Variants in CIP2A observed in about 807,000 individuals in gnomAD.
The protein encoded by CIP2A is protein CIP2A.
In CIP2A, 103 loss-of-function variants were observed where a neutral mutation model predicts 110.9. That is an observed-to-expected ratio of 0.93 (90% CI 0.79 to 1.09). The LOEUF is 1.09. Ranked by LOEUF, CIP2A falls within the 50% of genes least tolerant of loss-of-function variation. The probability of loss-of-function intolerance (pLI) is 0.00; values close to 1 mark genes in which losing one functional copy is unlikely to be tolerated. For missense variants in CIP2A, 1,088 were observed against 1,038.4 expected, an observed-to-expected ratio of 1.05 and a Z score of -0.66; for synonymous variants, 381 against 361.6, an observed-to-expected ratio of 1.05 and a Z score of -0.61.
chr3:108,556,827 C>T (rs1383374233), intron 17 of CIP2A, among the ~76,000 whole-genome samples: 1 of 152,086 alleles, frequency 6.6e-6, no homozygotes, highest in Non-Finnish European at 1.5e-5. Context: ...GACCATTCAA[C>T]CTAATACTAA....
intron 4 of CIP2A, 119 bp from the exon 5 acceptor site, chr3:108,581,630 G>GA: frequency 1.0e-5 from 6 of 590,802 alleles, no homozygotes; most frequent in South Asian, 7.0e-5. Flanking sequence ...CCTTTTACAC[G>GA]CAAAAAAAAA....
chr3:108,582,929 T>C (rs772153866), intron 3 of CIP2A, 48 bp downstream of exon 3: 2 of 1,132,368 alleles, frequency 1.8e-6, no homozygotes, highest in Non-Finnish European at 1.3e-6. Context: ...ACTATCAATT[T>C]TGATCTGACA....
At position 108,551,262 on chromosome 3, in the gene CIP2A, A is replaced by T; in HGVS notation, c.2605T>A (p.Ser869Thr). ...TCCTCTTGCTGAAGTTTCACCAAGG[A>T]CTCTTTCTCTTCCAAACGACCTTCT... ...QLEGRLEEKESLVKLQQEELN... is the reference protein window; with the variant it reads ...QLEGRLEEKETLVKLQQEELN... The change falls in exon 21 of 21, where the codon TCC (serine) becomes ACC (threonine). Residue 869 changes from serine to threonine, a missense_variant. Coordinates refer to ENST00000295746, the MANE Select transcript of CIP2A (RefSeq NM_020890.3). 1.2e-6 allele frequency: 2 copies of T among 1,612,158 alleles called. No individual in the cohort carries two copies. Among genetic ancestry groups the T allele is most frequent in the Non-Finnish European group, 8.5e-7 (1 of 1,178,850 alleles).
chr3:108,570,709 TAA>T (rs1320405092), intron 8 of CIP2A, among the ~76,000 whole-genome samples: 29 of 152,156 alleles, frequency 1.9e-4, no homozygotes. Flanking sequence ...CTGGGTGAGT[TAA>T]TGACTGAGTA....
At chr3:108,575,903 C>CTCATATACATGAGT in intron 8 of CIP2A, among the ~76,000 whole-genome samples, 1 of 131,168 alleles carries the variant, frequency 7.6e-6, no homozygotes, top group African/African-American at 3.0e-5. Flanking sequence ...AGTATATATA[C>CTCATATACATGAGT]ATATATACAT....
At chr3:108,558,852 C>T (rs576309855) in intron 16 of CIP2A, among the ~76,000 whole-genome samples, 8 of 152,158 alleles carry the variant, frequency 5.3e-5, no homozygotes, top group East Asian at 1.9e-4. Flanking sequence ...GCAAAGAATG[C>T]GCAGAAATGA....
At chr3:108,554,542 G>C (rs1576297195) in intron 17 of CIP2A, 53 bp from the exon 18 acceptor site, 1 of 735,052 alleles carries the variant, frequency 1.4e-6, no homozygotes, top group African/African-American at 1.8e-5. Context: ...ACATATGAAG[G>C]AGAAAAGAAG....
intron 10 of CIP2A, 117 bp downstream of exon 10, chr3:108,568,038 A>G: frequency 1.4e-6 from 1 of 712,794 alleles, no homozygotes; most frequent in South Asian, 3.6e-5. Context: ...GTAATTCTAG[A>G]TAAATATGAG....
chr3:108,564,373 T>C (rs1289898015), intron 12 of CIP2A, among the ~76,000 whole-genome samples: 1 of 152,006 alleles, frequency 6.6e-6, no homozygotes, highest in Admixed American at 6.6e-5. Context: ...ACTAGAGATG[T>C]CTCTGTTAAG....
chr3:108,570,131 G>A (rs573148313), intron 8 of CIP2A, among the ~76,000 whole-genome samples: 6 of 151,368 alleles, frequency 4.0e-5, no homozygotes, highest in Non-Finnish European at 7.4e-5. Flanking sequence ...TTATAAACTG[G>A]GCCTTATACC....
Position 108,579,719 on chromosome 3 carries a change from G to C in CIP2A, c.550-31C>G, listed in dbSNP as rs757425826. 28 of 1,395,806 alleles carry C rather than the reference G, an allele frequency of 2.0e-5. 1 individual carries two copies. In the East Asian group the frequency reaches 7.2e-4, roughly 36 times the overall value. 86.5% of individuals were successfully genotyped at this position (1,395,806 alleles called of 1,614,324 possible). A position where few individuals can be genotyped will look rare whatever the true frequency, so the allele number is the denominator to read the frequency against. ...GAAAAAAAAGTTAAAAAATAAATTA[G>C]AATTATAAATTTTATGTTTTGGTTT... On this transcript the variant is annotated intron_variant, in intron 5 of 20. Transcript: ENST00000295746.
intron 13 of CIP2A, among the ~76,000 whole-genome samples, chr3:108,561,668 C>T (rs1938011007): frequency 6.6e-6 from 1 of 151,986 alleles, no homozygotes; most frequent in African/African-American, 2.4e-5. Context: ...GACCCTGTCT[C>T]GAAAACAAAC....
chr3:108,579,660 A>C lies in CIP2A; in HGVS notation c.578T>G (p.Leu193Arg). The change falls in exon 6 of 21, where the codon CTT (leucine) becomes CGT (arginine). Residue 193 changes from leucine (L) to arginine (R), a missense_variant. Physicochemically the swap from Leu to Arg is moderately radical, Grantham distance 102 (BLOSUM62 -2). Coordinates refer to ENST00000295746, the MANE Select transcript of CIP2A (RefSeq NM_020890.3). Reference sequence around the variant, plus strand: ...ACTACTATGGGCCAACAAGGTGATAAGAGTTCGATAAAAAGATTTCACATT... The same window carrying C: ...ACTACTATGGGCCAACAAGGTGATACGAGTTCGATAAAAAGATTTCACATT... ...LSNVKSFYRT[L>R]ITLLAHSSLT... 6.3e-7 allele frequency: 1 copy of C among 1,583,998 alleles called. No individual in the cohort carries two copies. Among genetic ancestry groups the C allele is most frequent in the African/African-American group, 1.4e-5 (1 of 73,632 alleles).
rs2083881029 is a variant in CIP2A at position 108,550,349 on chromosome 3, G to C, written c.*800C>G. The C allele has an allele frequency of 6.6e-6, 1 of 151,358 alleles. No homozygotes were observed. Among genetic ancestry groups the C allele is most frequent in the Admixed American group, 6.6e-5 (1 of 15,214 alleles). The allele number at this position is 151,358 out of a possible 1,614,324, so 9.4% of individuals were successfully genotyped here. A position where few individuals can be genotyped will look rare whatever the true frequency, so the allele number is the denominator to read the frequency against. ...ATATTTTTCTGAATATGCAGCAAGA[G>C]TAGAATCCAAATTATCCTTATGTAA... On this transcript the variant is annotated 3_prime_UTR_variant, in exon 21 of 21. Coordinates refer to ENST00000295746, the MANE Select transcript of CIP2A (RefSeq NM_020890.3).
chr3:108,551,395 T>C, intron 20 of CIP2A, 76 bp from the exon 21 acceptor site: 1 of 1,024,174 alleles, frequency 9.8e-7, no homozygotes, highest in Non-Finnish European at 1.4e-6. Flanking sequence ...TACATATATT[T>C]TAAGATGCTT....
chr3:108,581,801 C>T (rs1938889702), intron 4 of CIP2A, among the ~76,000 whole-genome samples: 1 of 152,150 alleles, frequency 6.6e-6, no homozygotes, highest in Non-Finnish European at 1.5e-5. Flanking sequence ...ACAAGAATAA[C>T]TACACAATTT....
intron 5 of CIP2A, 105 bp downstream of exon 5, chr3:108,581,310 G>A: frequency 1.3e-6 from 1 of 780,562 alleles, no homozygotes; most frequent in Non-Finnish European, 2.1e-6. Flanking sequence ...ATAAGACACA[G>A]AATCCTTGTT....
At chr3:108,555,558 T>C (rs1030033876) in intron 17 of CIP2A, among the ~76,000 whole-genome samples, 8 of 152,158 alleles carry the variant, frequency 5.3e-5, no homozygotes, top group Non-Finnish European at 8.8e-5. Context: ...CATTGACAAG[T>C]AGAGCTCAGG....
chr3:108,579,795 C>T, intron 5 of CIP2A, 107 bp from the exon 6 acceptor site: 1 of 520,482 alleles, frequency 1.9e-6, no homozygotes, highest in East Asian at 3.4e-5. Flanking sequence ...ACATCATTAT[C>T]AACTCTATTA....
Sources: gnomAD v4.1 joint callset for allele counts (sites outside exome capture counted in the v4.1 genomes callset) on GRCh38, gnomAD v4.1.1 for gene constraint, MANE v1.5 for transcripts, NCBI Gene and HGNC (gene_info 2026-07-23, HGNC 2026-07-21) for gene names.